ATG7: variants seen among roughly 807,000 people sequenced by gnomAD.
ATG7 encodes the protein autophagy related 7.
A neutral mutation model predicts 82.4 loss-of-function variants in ATG7; 70 were observed. That is an observed-to-expected ratio of 0.85 (90% CI 0.70 to 1.04). The LOEUF (loss-of-function observed/expected upper bound fraction) is 1.04, where lower values mean the gene tolerates loss of function less well. ATG7 is among the 50% of genes least tolerant of loss of function. The pLI is 0.00. For synonymous variants in ATG7, 287 were observed against 313.0 expected (o/e 0.92, Z 0.88); for missense variants, 792 against 864.3 (o/e 0.92, Z 1.05).
intron 20 of ATG7, among the ~76,000 whole-genome samples, chr3:11,544,361 C>T (rs547835608): frequency 6.6e-6 from 1 of 152,208 alleles, no homozygotes; most frequent in Non-Finnish European, 1.5e-5. Context: ...CGTGAGGCCC[C>T]CCATCTGCAG....
chr3:11,339,317 A>G (rs1953119617), intron 11 of ATG7, among the ~76,000 whole-genome samples: 1 of 149,620 alleles, frequency 6.7e-6, no homozygotes, highest in Admixed American at 6.7e-5. Flanking sequence ...AAAAAAAGAA[A>G]AGAAAAGAAA....
chr3:11,326,991 T>C (rs1950974888), intron 9 of ATG7, among the ~76,000 whole-genome samples: 1 of 152,200 alleles, frequency 6.6e-6, no homozygotes, highest in Non-Finnish European at 1.5e-5. Flanking sequence ...CACAGTTTTG[T>C]ATGGAAGCTT....
At chr3:11,426,701 C>G in intron 19 of ATG7, 103 bp from the exon 20 acceptor site, 1 of 1,180,936 alleles carries the variant, frequency 8.5e-7, no homozygotes, top group Non-Finnish European at 1.1e-6. Flanking sequence ...GTTTAATTCT[C>G]ATTTTAATTT....
At position 11,347,971 on chromosome 3, in the gene ATG7, T is replaced by G. The variant is rs755202028; in HGVS notation, c.1220T>G (p.Leu407Arg). Residue 407 changes from leucine (L) to arginine (R), a missense_variant, in exon 14 of 21, where the codon CTA (leucine) becomes CGA (arginine). Coordinates refer to ENST00000693202, the MANE Select transcript of ATG7 (RefSeq NM_001349232.2). The part of the protein sequence containing the change: ...RQPLYEFEDC[L>R]GGGKPKALAA... ...CCTCTCTATGAGTTTGAAGATTGCC[T>G]AGGGGGTGGTAAGCCCAAGGCTCTG... 1 of 1,614,130 alleles carries G rather than the reference T, an allele frequency of 6.2e-7. No individual in the cohort carries two copies. The highest frequency in any genetic ancestry group is 1.1e-5 in the South Asian group (1 of 91,078).
Position 11,340,744 on chromosome 3 carries a change from G to GAAA in ATG7, c.980+9_980+10insAAA. 1 of 1,611,454 alleles carries GAAA rather than the reference G, an allele frequency of 6.2e-7. No individual in the cohort carries two copies. The highest frequency in any genetic ancestry group is 8.5e-7 in the Non-Finnish European group (1 of 1,178,266). ...TGTATGGACCCTAAAAGGTATATTTGGGAAGCTGTTTTCTCCAGTCGGGCT... is the reference window on the plus strand; with the variant it reads ...TGTATGGACCCTAAAAGGTATATTTGAAAGGAAGCTGTTTTCTCCAGTCGGGCT... On this transcript the variant is annotated intron_variant, in intron 12 of 20. Coordinates refer to ENST00000693202, the MANE Select transcript of ATG7 (RefSeq NM_001349232.2).
chr3:11,466,078 C>T (rs963866924), intron 20 of ATG7, among the ~76,000 whole-genome samples: 2 of 152,204 alleles, frequency 1.3e-5, no homozygotes, highest in African/African-American at 4.8e-5. Flanking sequence ...AACCTAAAGT[C>T]TGCGGCTTAT....
At chr3:11,384,726 T>C (rs2078182046) in intron 19 of ATG7, among the ~76,000 whole-genome samples, 1 of 152,134 alleles carries the variant, frequency 6.6e-6, no homozygotes, top group Admixed American at 6.5e-5. Flanking sequence ...TTGTGGGGGC[T>C]GAGGTGGGCA....
rs1281826628 is a variant in ATG7, at chr3:11,497,357, C to CTATATATATATGTATATA, written c.2080-57443_2080-57442insGTATATATATATATATAT. Among the ~76,000 whole-genome samples, 211 of 57,316 alleles carry CTATATATATATGTATATA rather than the reference C, an allele frequency of 3.7e-3. 5 individuals carry two copies. The highest frequency in any genetic ancestry group is 0.013 in the African/African-American group (201 of 14,988). The allele number at this position is 57,316 out of a possible 152,430, so 37.6% of individuals were successfully genotyped here. On this transcript the variant is annotated intron_variant, in intron 20 of 20. Coordinates refer to ENST00000693202, the MANE Select transcript of ATG7 (RefSeq NM_001349232.2). ...TGAAACCCCGTCTGTACTAAAAATA[C>CTATATATATATGTATATA]TATATATATATATATATATATATAT...
At chr3:11,362,161 A>G (rs1197934622) in intron 16 of ATG7, among the ~76,000 whole-genome samples, 1 of 152,184 alleles carries the variant, frequency 6.6e-6, no homozygotes, top group African/African-American at 2.4e-5. Context: ...TAAAATTTTT[A>G]TAGAGTCAAA....
At position 11,369,288 on chromosome 3, in the gene ATG7, A is replaced by G. The variant is rs549399471; in HGVS notation, c.1875+4554A>G. ...TATTTCCTGAGATGCAGCCCAGGAA[A>G]GGAGCCTCCTTTACCCCTCTGGTTC... On this transcript the variant is annotated intron_variant, in intron 18 of 20. Transcript: ENST00000693202. Among the ~76,000 whole-genome samples the G allele has an allele frequency of 1.5e-4, 22 of 151,138 alleles. 1 individual carries two copies. Among genetic ancestry groups the G allele is most frequent in the Admixed American group, 4.0e-4 (6 of 15,122 alleles).
the ATG7 span, among the ~76,000 whole-genome samples, chr3:11,570,042 T>TA: frequency 6.6e-6 from 1 of 152,204 alleles, no homozygotes; most frequent in Non-Finnish European, 1.5e-5. Flanking sequence ...ACCTGAATAA[T>TA]ATAGACAGAA....
intron 16 of ATG7, among the ~76,000 whole-genome samples, chr3:11,361,574 C>T (rs577496203): frequency 2.0e-5 from 3 of 152,242 alleles, no homozygotes; most frequent in Admixed American, 6.5e-5. Context: ...TGAGCCACCA[C>T]GCTTAGCCAA....
chr3:11,554,407 A>G (rs1395953931), intron 20 of ATG7, among the ~76,000 whole-genome samples: 2 of 152,166 alleles, frequency 1.3e-5, no homozygotes, highest in African/African-American at 2.4e-5. Context: ...CCATGCCAGA[A>G]TTCCTGCCCT....
intron 19 of ATG7, among the ~76,000 whole-genome samples, chr3:11,390,353 T>C (rs2078697187): frequency 1.3e-5 from 2 of 152,256 alleles, no homozygotes; most frequent in African/African-American, 2.4e-5. Context: ...CCCAGCTCTA[T>C]TGGAGGAGCA....
At chr3:11,480,398 G>T (rs1009759556) in intron 20 of ATG7, among the ~76,000 whole-genome samples, 13 of 152,072 alleles carry the variant, frequency 8.5e-5, no homozygotes, top group African/African-American at 2.9e-4. Flanking sequence ...TTGGCTGGGC[G>T]TGGTTGTGCA....
In ATG7 at chr3:11,339,628, C is replaced by A. The variant is rs546257406; in HGVS notation, c.890-1017C>A. Among the ~76,000 whole-genome samples, 59 of 152,302 alleles carry A rather than the reference C, an allele frequency of 3.9e-4. 1 individual carries two copies. The highest frequency in any genetic ancestry group is 1.4e-3 in the African/African-American group (57 of 41,566). Reference sequence around the variant, plus strand: ...GTTCCACCAAGGCAAGCAAAGCTTTCATTAACATGAGAAGGTAGCAGGTGT... The same window carrying A: ...GTTCCACCAAGGCAAGCAAAGCTTTAATTAACATGAGAAGGTAGCAGGTGT... On this transcript the variant is annotated intron_variant, in intron 11 of 20. Coordinates refer to ENST00000693202, the MANE Select transcript of ATG7 (RefSeq NM_001349232.2).
At chr3:11,519,273 G>A (rs971006211) in intron 20 of ATG7, among the ~76,000 whole-genome samples, 1 of 152,062 alleles carries the variant, frequency 6.6e-6, no homozygotes. Context: ...TTTCATGTAA[G>A]GAACTTGGGT....
At chr3:11,447,501 A>T (rs1292138081) in intron 20 of ATG7, among the ~76,000 whole-genome samples, 1 of 152,138 alleles carries the variant, frequency 6.6e-6, no homozygotes, top group African/African-American at 2.4e-5. Context: ...TTATTGCTTA[A>T]TGAAACCAGG....
At chr3:11,451,825 CTG>C (rs1398551612) in intron 20 of ATG7, among the ~76,000 whole-genome samples, 4 of 149,618 alleles carry the variant, frequency 2.7e-5, no homozygotes, top group African/African-American at 7.4e-5. Context: ...CCAGGCTGCC[CTG>C]TCTCTCTCTA....
Sources: allele counts gnomAD v4.1 joint callset (sites outside exome capture counted in the v4.1 genomes callset), GRCh38; gene constraint gnomAD v4.1.1; transcripts MANE v1.5; gene names NCBI Gene and HGNC (gene_info 2026-07-23, HGNC 2026-07-21).